The following PSMF1 variants were observed in gnomAD, a reference collection of about 807,000 sequenced individuals.
PSMF1 encodes the protein proteasome inhibitor subunit 1.
Under a neutral mutation model 29.3 loss-of-function variants are expected in PSMF1, and 30 were observed. The ratio of observed to expected loss-of-function variants is 1.02; its 90% CI spans 0.77 to 1.39. The LOEUF (loss-of-function observed/expected upper bound fraction) is 1.39. PSMF1 is among the 40% of genes most tolerant of loss of function. The pLI, the probability that PSMF1 is intolerant of heterozygous loss-of-function variation, is 0.00. For synonymous variants in PSMF1, 134 were observed against 139.7 expected, an observed-to-expected ratio of 0.96 and a Z score of 0.29; for missense variants, 344 against 357.5, an observed-to-expected ratio of 0.96 and a Z score of 0.31.
intron 4 of PSMF1, among the ~76,000 whole-genome samples, chr20:1,148,051 C>T (rs1224658029): frequency 6.6e-6 from 1 of 152,208 alleles, no homozygotes; most frequent in Admixed American, 6.5e-5. Flanking sequence ...TGTTTTGCCT[C>T]TCTCACACCT....
intron 4 of PSMF1, among the ~76,000 whole-genome samples, chr20:1,153,147 T>A (rs149088389): frequency 6.6e-6 from 1 of 152,316 alleles, no homozygotes; most frequent in East Asian, 1.9e-4. Context: ...TCATAACATC[T>A]GTAAGCTAAC....
At chr20:1,121,420 TG>T (rs1347731277) in intron 1 of PSMF1, among the ~76,000 whole-genome samples, 2 of 152,152 alleles carry the variant, frequency 1.3e-5, no homozygotes, top group African/African-American at 2.4e-5. Context: ...TGATTGCCAT[TG>T]GGGCTCAGGT....
intron 1 of PSMF1, among the ~76,000 whole-genome samples, chr20:1,122,583 A>G (rs2086103622): frequency 6.6e-6 from 1 of 152,140 alleles, no homozygotes; most frequent in Non-Finnish European, 1.5e-5. Flanking sequence ...TACAGGCAAG[A>G]GCCACCGCGC....
rs57226315 is a variant in PSMF1, at chr20:1,161,699, T to G, written c.552-1431T>G. ...CATGTCCACCACAAATGCTTCTAAATGGACTACAAGCAGATGTGTAGCATT... is the reference window on the plus strand; with the variant it reads ...CATGTCCACCACAAATGCTTCTAAAGGGACTACAAGCAGATGTGTAGCATT... On this transcript the variant is annotated intron_variant, in intron 4 of 6. Coordinates refer to ENST00000335877, the MANE Select transcript of PSMF1 (RefSeq NM_006814.5). 7.5e-3 allele frequency: 4,730 copies of G among 627,794 alleles called. 133 individuals are homozygous for G. The highest frequency in any genetic ancestry group is 0.067 in the African/African-American group (3,658 of 54,502). 38.9% of individuals were successfully genotyped at this position (627,794 alleles called of 1,614,324 possible).
chr20:1,137,231 C>A (rs1449872467), intron 4 of PSMF1, among the ~76,000 whole-genome samples: 1 of 152,142 alleles, frequency 6.6e-6, no homozygotes, highest in Non-Finnish European at 1.5e-5. Flanking sequence ...AAGTAAAAAT[C>A]CTAGCCTTGG....
At position 1,164,585 on chromosome 20, in the gene PSMF1, C is replaced by T; in HGVS notation, c.764+109C>T. On this transcript the variant is annotated intron_variant, in intron 6 of 6. Transcript: ENST00000335877. The surrounding 1 kb of genome is among the most constrained non-coding windows in gnomAD (Gnocchi z 4.1). ...AGGCACAGAGCTGCCGCTGCCTTCA[C>T]CTGTTGCTGCCAGGAGAGTGGAGCC... is the stretch of plus-strand genomic sequence containing the variant. 1 of 1,431,542 alleles carries T rather than the reference C, an allele frequency of 7.0e-7. No homozygotes were observed. Among genetic ancestry groups the T allele is most frequent in the South Asian group, 1.3e-5 (1 of 77,634 alleles). The allele number at this position is 1,431,542 out of a possible 1,614,324, so 88.7% of individuals were successfully genotyped here. A position where few individuals can be genotyped will look rare whatever the true frequency, so the allele number is the denominator to read the frequency against.
chr20:1,160,548 C>G, intron 4 of PSMF1: 1 of 433,926 alleles, frequency 2.3e-6, no homozygotes, highest in South Asian at 1.8e-5. Flanking sequence ...CCATGTCTTC[C>G]CACCGCTCTG....
chr20:1,145,351 C>A (rs1356879462), intron 4 of PSMF1, among the ~76,000 whole-genome samples: 1 of 152,126 alleles, frequency 6.6e-6, no homozygotes, highest in Non-Finnish European at 1.5e-5. Flanking sequence ...TTGTCCTGCT[C>A]GCTCATACCT....
chr20:1,164,671 G>A lies in PSMF1; in HGVS notation c.764+195G>A, dbSNP rs191828567. Among the ~76,000 whole-genome samples, 385 of 152,262 alleles carry A rather than the reference G, an allele frequency of 2.5e-3. 1 individual carries two copies. Among genetic ancestry groups the A allele is most frequent in the African/African-American group, 8.6e-3 (359 of 41,542 alleles). On this transcript the variant is annotated intron_variant, in intron 6 of 6. Coordinates refer to ENST00000335877, the MANE Select transcript of PSMF1 (RefSeq NM_006814.5). This position sits in a 1 kb window ranked among gnomAD's most constrained non-coding sequence, Gnocchi z 4.1. ...TTCTAGGAGCTTCCTATCCCTCAGT[G>A]CCTCTCTTTCCCCAGCTCCACTCTG...
intron 4 of PSMF1, among the ~76,000 whole-genome samples, chr20:1,151,879 G>A (rs796600586): frequency 6.6e-5 from 10 of 152,256 alleles, no homozygotes; most frequent in African/African-American, 2.2e-4. Flanking sequence ...GGTACCAGTG[G>A]GGCTATGAAA....
chr20:1,118,974 G>C lies in PSMF1; in HGVS notation c.129+72G>C, dbSNP rs968756440. On this transcript the variant is annotated intron_variant, in intron 1 of 6. Coordinates refer to ENST00000335877, the MANE Select transcript of PSMF1 (RefSeq NM_006814.5). The stretch of plus-strand genomic sequence containing the variant: ...CCAAACTCAGAGTACCGGAGGCCTG[G>C]TCCAGAGCGCCCGATTTCCCCGCTT... 5.8e-6 allele frequency: 9 copies of C among 1,550,884 alleles called. No homozygotes were observed. The Admixed American group carries it at 1.4e-4, about 25-fold the overall frequency.
chr20:1,166,595 G>A lies in PSMF1; in HGVS notation c.*1515G>A, dbSNP rs1300112289. The A allele has an allele frequency of 2.0e-5, 6 of 299,732 alleles. No homozygotes were observed. Among genetic ancestry groups the A allele is most frequent in the African/African-American group, 6.3e-5 (3 of 47,354 alleles). 18.6% of individuals were successfully genotyped at this position (299,732 alleles called of 1,614,324 possible). A position where few individuals can be genotyped will look rare whatever the true frequency, so the allele number is the denominator to read the frequency against. ...GGCCTGGGTGGGGAGGCTAGCATGC[G>A]TGGCTCCCTGGGTATTTCTGTCAGT... is the stretch of plus-strand genomic sequence containing the variant. On this transcript the variant is annotated 3_prime_UTR_variant, in exon 7 of 7. Coordinates refer to ENST00000335877, the MANE Select transcript of PSMF1 (RefSeq NM_006814.5).
chr20:1,118,942 C>T, intron 1 of PSMF1, 40 bp downstream of exon 1: 2 of 1,607,024 alleles, frequency 1.2e-6, no homozygotes, highest in South Asian at 1.1e-5. Context: ...AGGGAACTGT[C>T]TTCTGCCCAA....
At position 1,135,227 on chromosome 20, in the gene PSMF1, T is replaced by G. The variant is rs146612629; in HGVS notation, c.472T>G (p.Phe158Val). 60 of 1,613,638 alleles carry G rather than the reference T, an allele frequency of 3.7e-5. No homozygotes were observed. Among genetic ancestry groups the G allele is most frequent in the East Asian group, 2.9e-4 (13 of 44,868 alleles). The change falls in exon 4 of 7, where the codon TTC becomes GTC. Residue 158 changes from phenylalanine to valine, a missense_variant. Coordinates refer to ENST00000335877, the MANE Select transcript of PSMF1 (RefSeq NM_006814.5). Reference sequence around the variant, plus strand: ...TAATGTAAGCAGTCCCCACCGGGAGTTCCCCCCTGCTACCGCCAGAGAGGT... The same window carrying G: ...TAATGTAAGCAGTCCCCACCGGGAGGTCCCCCCTGCTACCGCCAGAGAGGT... ...KANVSSPHRE[F>V]PPATAREVDP...
chr20:1,155,110 G>A (rs529867757), intron 4 of PSMF1, among the ~76,000 whole-genome samples: 39 of 152,214 alleles, frequency 2.6e-4, no homozygotes, highest in Non-Finnish European at 5.0e-4. Context: ...TAAATGGTCA[G>A]TGAATTCACC....
intron 4 of PSMF1, among the ~76,000 whole-genome samples, chr20:1,149,126 A>G (rs2086492932): frequency 6.6e-6 from 1 of 152,240 alleles, no homozygotes; most frequent in Non-Finnish European, 1.5e-5. Flanking sequence ...TTCAGTCTGT[A>G]GGGGATATGT....
At chr20:1,131,818 A>G (rs1327199164) in intron 3 of PSMF1, among the ~76,000 whole-genome samples, 1 of 152,158 alleles carries the variant, frequency 6.6e-6, no homozygotes, top group African/African-American at 2.4e-5. Flanking sequence ...CAAGGCTTAG[A>G]AATTGTGTGA....
At chr20:1,120,671 C>T (rs559247442) in intron 1 of PSMF1, among the ~76,000 whole-genome samples, 16 of 152,276 alleles carry the variant, frequency 1.1e-4, no homozygotes, top group South Asian at 2.1e-4. Flanking sequence ...GTGCAGGGGA[C>T]AGTGGGGCTG....
chr20:1,161,597 A>G (rs1273837610), intron 4 of PSMF1: 2 of 653,786 alleles, frequency 3.1e-6, no homozygotes, highest in East Asian at 2.9e-5. Flanking sequence ...GTGGATCAGC[A>G]GCTCCATCCT....
Sources: gnomAD v4.1 joint callset for allele counts (sites outside exome capture counted in the v4.1 genomes callset) on GRCh38, gnomAD v4.1.1 for gene constraint, Gnocchi (gnomAD v3.1) non-coding constraint, MANE v1.5 for transcripts, NCBI Gene and HGNC (gene_info 2026-07-23, HGNC 2026-07-21) for gene names.